Variants in DNAH11 observed in about 807,000 individuals in gnomAD.
DNAH11 encodes dynein axonemal heavy chain 11, also known as axonemal beta dynein heavy chain 11.
In DNAH11, 442 loss-of-function variants were observed where a neutral mutation model predicts 526.0. The ratio of observed to expected loss-of-function variants is 0.84; its 90% CI spans 0.78 to 0.91. The LOEUF is 0.91. Ranked by LOEUF, DNAH11 falls within the 40% of genes least tolerant of loss-of-function variation. The pLI, the probability that DNAH11 is intolerant of heterozygous loss-of-function variation, is 0.00. For missense variants in DNAH11, 6,989 were observed against 5,448.7 expected (o/e 1.28, Z -8.90); for synonymous variants, 2,461 against 1,935.9 (o/e 1.27, Z -7.12).
chr7:21,675,716 TTTA>T (rs1296379260), intron 30 of DNAH11, among the ~76,000 whole-genome samples: 1 of 152,174 alleles, frequency 6.6e-6, no homozygotes, highest in Non-Finnish European at 1.5e-5. Flanking sequence ...GGACACATGC[TTTA>T]TGCTGGCCGC....
intron 66 of DNAH11, among the ~76,000 whole-genome samples, chr7:21,850,455 C>T (rs962879914): frequency 2.0e-5 from 3 of 151,546 alleles, no homozygotes; most frequent in Non-Finnish European, 4.4e-5. Context: ...GAGTTTCTAT[C>T]TCTACTTACA....
rs942304184 is a variant in DNAH11 at position 21,705,487 on chromosome 7, G to A, written c.6496G>A (p.Val2166Met). The change falls in exon 39 of 82, where the codon GTG (valine) becomes ATG (methionine). Residue 2166 changes from valine to methionine, a missense_variant. Physicochemically the swap from Val to Met is conservative, Grantham distance 21. Coordinates refer to ENST00000409508, the MANE Select transcript of DNAH11 (RefSeq NM_001277115.2). ...KVVQLEELLAVRHSVFVVGNA... is the reference protein window; with the variant it reads ...KVVQLEELLAMRHSVFVVGNA... ...TGTCCAGCTTGAGGAACTGTTGGCT[G>A]TGCGGCACTCGGTCTTTGTAGTTGG... 6.2e-7 allele frequency: 1 copy of A among 1,613,762 alleles called. No homozygotes were observed.
At chr7:21,589,578 C>T (rs1283080248) in intron 12 of DNAH11, among the ~76,000 whole-genome samples, 175 bp downstream of exon 12, 1 of 152,120 alleles carries the variant, frequency 6.6e-6, no homozygotes, top group Non-Finnish European at 1.5e-5. Flanking sequence ...TCAAATTCTA[C>T]TAATTACTCT....
chr7:21,761,181 AGCAAGGAAAGCTGGATG>A (rs1386967056), intron 54 of DNAH11, among the ~76,000 whole-genome samples: 1 of 152,206 alleles, frequency 6.6e-6, no homozygotes, highest in Non-Finnish European at 1.5e-5. Flanking sequence ...TGACACCACT[AGCAAGGAAAGCTGGATG>A]GCAGGAGAAA....
intron 30 of DNAH11, among the ~76,000 whole-genome samples, chr7:21,662,539 A>G (rs62447811): frequency 0.1 from 15,269 of 152,130 alleles, 1,098 homozygotes; most frequent in African/African-American, 0.2. Flanking sequence ...TGATGTTTTG[A>G]TATCTGTATG....
intron 76 of DNAH11, 139 bp from the exon 77 acceptor site, chr7:21,892,286 A>G: frequency 8.0e-7 from 1 of 1,252,980 alleles, no homozygotes; most frequent in Non-Finnish European, 1.1e-6. Context: ...ATTGTTGATT[A>G]TAAAACAGTT....
At chr7:21,594,027 CTCTT>C (rs1583511227) in intron 14 of DNAH11, among the ~76,000 whole-genome samples, 2 of 150,646 alleles carry the variant, frequency 1.3e-5, no homozygotes, top group South Asian at 2.1e-4. Context: ...CTCACACACA[CTCTT>C]TCTCCCTCAT....
At chr7:21,767,371 C>A (rs1406288192) in intron 55 of DNAH11, among the ~76,000 whole-genome samples, 1 of 152,096 alleles carries the variant, frequency 6.6e-6, no homozygotes, top group Non-Finnish European at 1.5e-5. Context: ...AGTTTCTTCC[C>A]TTTGCTACTC....
At chr7:21,766,212 G>A (rs534232940) in intron 55 of DNAH11, among the ~76,000 whole-genome samples, 1 of 152,098 alleles carries the variant, frequency 6.6e-6, no homozygotes, top group East Asian at 1.9e-4. Flanking sequence ...TAAAATGGTT[G>A]TACAAAACAA....
At chr7:21,785,963 C>G (rs143278352) in intron 58 of DNAH11, among the ~76,000 whole-genome samples, 6 of 152,258 alleles carry the variant, frequency 3.9e-5, no homozygotes, top group African/African-American at 1.4e-4. Context: ...TATTAAATAT[C>G]ATAAGCCTAC....
At chr7:21,873,784 CTTTT>C (rs57333575) in intron 74 of DNAH11, among the ~76,000 whole-genome samples, 1 of 70,700 alleles carries the variant, frequency 1.4e-5, no homozygotes, top group Admixed American at 2.5e-4. Context: ...GAGGAGGTTG[CTTTT>C]TTTTTTTTTT....
chr7:21,612,099 A>G (rs1000700270), intron 20 of DNAH11, among the ~76,000 whole-genome samples: 1 of 152,220 alleles, frequency 6.6e-6, no homozygotes, highest in Admixed American at 6.5e-5. Flanking sequence ...CACTATTAAT[A>G]AGAAACTTAA....
intron 68 of DNAH11, 69 bp from the exon 69 acceptor site, chr7:21,861,784 G>T: frequency 6.3e-7 from 1 of 1,583,854 alleles, no homozygotes; most frequent in Non-Finnish European, 8.6e-7. Flanking sequence ...CTGTTGCCCT[G>T]TGTATCGGGG....
chr7:21,893,207 G>A (rs1026586207), intron 77 of DNAH11, among the ~76,000 whole-genome samples: 1 of 152,218 alleles, frequency 6.6e-6, no homozygotes, highest in African/African-American at 2.4e-5. Flanking sequence ...ATACCCAGAA[G>A]TGGGATTGCC....
intron 28 of DNAH11, among the ~76,000 whole-genome samples, chr7:21,650,087 A>G (rs571794490): frequency 6.2e-4 from 95 of 152,260 alleles, no homozygotes; most frequent in Non-Finnish European, 1.1e-3. Flanking sequence ...AATTTCCAAA[A>G]GTTTATTTTA....
intron 76 of DNAH11, among the ~76,000 whole-genome samples, chr7:21,891,358 T>C (rs1562606461): frequency 6.6e-6 from 1 of 152,132 alleles, no homozygotes; most frequent in African/African-American, 2.4e-5. Flanking sequence ...CCTCTGTACA[T>C]TTAAGTGCAC....
chr7:21,686,449 T>C (rs1346928113), intron 32 of DNAH11, among the ~76,000 whole-genome samples: 11 of 152,220 alleles, frequency 7.2e-5, no homozygotes, highest in Admixed American at 7.2e-4. Context: ...TGTCTTCTTT[T>C]ATTAGGTATT....
intron 54 of DNAH11, among the ~76,000 whole-genome samples, chr7:21,754,978 C>G (rs1207770950): frequency 1.3e-5 from 2 of 152,172 alleles, no homozygotes; most frequent in Non-Finnish European, 2.9e-5. Context: ...CTCAGAATTT[C>G]TGATGAGCTG....
rs1271641849 is a variant in DNAH11 at position 21,667,576 on chromosome 7, A to G, written c.5328+8545A>G. Among the ~76,000 whole-genome samples, 3 of 152,280 alleles carry G rather than the reference A, an allele frequency of 2.0e-5. No individual in the cohort carries two copies. In the East Asian group the frequency reaches 5.8e-4, roughly 29 times the overall value. On this transcript the variant is annotated intron_variant, in intron 30 of 81. Coordinates refer to ENST00000409508, the MANE Select transcript of DNAH11 (RefSeq NM_001277115.2). ...TAACTGAAGATCCCCACAATGAGAG[A>G]TGGAGGTAAGAGAAAAAAGGATTTG...
Sources: gnomAD v4.1 joint callset for allele counts (sites outside exome capture counted in the v4.1 genomes callset) on GRCh38, gnomAD v4.1.1 for gene constraint, MANE v1.5 for transcripts, NCBI Gene and HGNC (gene_info 2026-07-23, HGNC 2026-07-21) for gene names.